ADSS1: variants seen among roughly 807,000 people sequenced by gnomAD.
ADSS1 encodes adenylosuccinate synthase 1.
In ADSS1, 57 loss-of-function variants were observed where a neutral mutation model predicts 59.1. The ratio of observed to expected loss-of-function variants is 0.97; its 90% CI spans 0.78 to 1.20. The LOEUF is 1.20. Ranked by LOEUF, ADSS1 falls within the 50% of genes most tolerant of loss-of-function variation. The pLI, the probability that ADSS1 is intolerant of heterozygous loss-of-function variation, is 0.00. For synonymous variants in ADSS1, 247 were observed against 249.4 expected (o/e 0.99, Z 0.09); for missense variants, 603 against 610.3 (o/e 0.99, Z 0.13).
chr14:104,727,710 C>T (rs997099653), intron 1 of ADSS1, among the ~76,000 whole-genome samples: 3 of 152,206 alleles, frequency 2.0e-5, no homozygotes, highest in Admixed American at 6.5e-5. Flanking sequence ...GCAGGTGCAC[C>T]TGGGTCTCCC....
chr14:104,725,149 A>T (rs1890683171), intron 1 of ADSS1, among the ~76,000 whole-genome samples: 1 of 152,062 alleles, frequency 6.6e-6, no homozygotes, highest in South Asian at 2.1e-4. Flanking sequence ...AGGAGGCCAG[A>T]CCTGCTTTGT....
At chr14:104,729,850 A>G in intron 1 of ADSS1, 1 of 1,207,006 alleles carries the variant, frequency 8.3e-7, no homozygotes, top group Non-Finnish European at 1.1e-6. Context: ...CGTCGTGGGG[A>G]GGAGCGTGGC....
intron 1 of ADSS1, among the ~76,000 whole-genome samples, chr14:104,729,423 G>A (rs1890816843): frequency 6.6e-6 from 1 of 152,156 alleles, no homozygotes; most frequent in East Asian, 1.9e-4. Context: ...TGGAGGTGAG[G>A]AGCAAGGACA....
Position 104,741,854 on chromosome 14 carries a change from A to ACC in ADSS1, c.803_804dup (p.Phe269ProfsTer3). On this transcript the variant is annotated frameshift_variant, in exon 9 of 13. Transcript: ENST00000330877. LOFTEE classifies it high-confidence loss of function. ...AACCTGCTCTGTCTTGCAGGGACCT[A>ACC]CCCCTTTGTGACTTCATCCAACTGC... 1 of 1,613,062 alleles carries ACC rather than the reference A, an allele frequency of 6.2e-7. No homozygotes were observed. The highest frequency in any genetic ancestry group is 1.3e-5 in the African/African-American group (1 of 75,006).
At chr14:104,736,096 A>G (rs1891111842) in intron 2 of ADSS1, among the ~76,000 whole-genome samples, 1 of 152,186 alleles carries the variant, frequency 6.6e-6, no homozygotes, top group African/African-American at 2.4e-5. Context: ...CGCAGGGGCC[A>G]TGTGTGGTCA....
chr14:104,730,964 G>C lies in ADSS1; in HGVS notation c.193-4056G>C, dbSNP rs376304699. ...AGCCAGACTAGGCAGAGAGTGGGGGGGGGGGGGGGGCTCAGTGTCCGTGGG... is the reference window on the plus strand; with the variant it reads ...AGCCAGACTAGGCAGAGAGTGGGGGCGGGGGGGGGGCTCAGTGTCCGTGGG... On this transcript the variant is annotated intron_variant, in intron 1 of 12. Coordinates refer to ENST00000330877, the MANE Select transcript of ADSS1 (RefSeq NM_152328.5). Among the ~76,000 whole-genome samples, 294 of 115,638 alleles carry C rather than the reference G, an allele frequency of 2.5e-3. 17 individuals are homozygous for C. Among genetic ancestry groups the C allele is most frequent in the Non-Finnish European group, 4.1e-3 (208 of 50,590 alleles). The allele number at this position is 115,638 out of a possible 152,430, so 75.9% of individuals were successfully genotyped here.
intron 4 of ADSS1, 138 bp from the exon 5 acceptor site, chr14:104,739,611 AC>A: frequency 9.8e-7 from 1 of 1,025,492 alleles, no homozygotes; most frequent in Non-Finnish European, 1.4e-6. Flanking sequence ...TCATGGTCAC[AC>A]CCCAGTTTGT....
At chr14:104,742,750 T>C (rs768121970) in intron 9 of ADSS1, among the ~76,000 whole-genome samples, 3 of 151,940 alleles carry the variant, frequency 2.0e-5, no homozygotes, top group Non-Finnish European at 4.4e-5. Flanking sequence ...CAGCTGCCCA[T>C]GGCAGGAGGG....
chr14:104,726,034 C>T (rs773468698), intron 1 of ADSS1, among the ~76,000 whole-genome samples: 62 of 152,208 alleles, frequency 4.1e-4, no homozygotes, highest in Non-Finnish European at 7.9e-4. Context: ...CACGGGAGCA[C>T]GGAGGATGCA....
chr14:104,746,570 G>A (rs1185421026), intron 12 of ADSS1, among the ~76,000 whole-genome samples, 185 bp downstream of exon 12: 2 of 152,232 alleles, frequency 1.3e-5, no homozygotes, highest in Non-Finnish European at 2.9e-5. Context: ...GGGTGTGGGT[G>A]TGACCTTGCC....
In ADSS1 at chr14:104,745,053, A is replaced by G. The variant is rs767062533; in HGVS notation, c.1171+144A>G. The G allele has an allele frequency of 5.7e-6, 4 of 702,874 alleles. No homozygotes were observed. In the Admixed American group the frequency reaches 7.4e-5, roughly 13 times the overall value. 43.5% of individuals were successfully genotyped at this position (702,874 alleles called of 1,614,324 possible). A position where few individuals can be genotyped will look rare whatever the true frequency, so the allele number is the denominator to read the frequency against. ...AGCTTGTCTCCAGTGACCAGCCTCCATCATGGCTTTTGCCTCTCACGGGTT... is the reference window on the plus strand; with the variant it reads ...AGCTTGTCTCCAGTGACCAGCCTCCGTCATGGCTTTTGCCTCTCACGGGTT... On this transcript the variant is annotated intron_variant, in intron 11 of 12. Coordinates refer to ENST00000330877, the MANE Select transcript of ADSS1 (RefSeq NM_152328.5).
At chr14:104,743,310 A>G (rs2140823587) in intron 10 of ADSS1, 119 bp downstream of exon 10, 1 of 1,432,292 alleles carries the variant, frequency 7.0e-7, no homozygotes, top group South Asian at 1.3e-5. Context: ...CAAGGTTTCC[A>G]CTGATCTCGA....
rs954175968 is a variant in ADSS1 at position 104,742,959 on chromosome 14, C to A, written c.949-108C>A. The A allele has an allele frequency of 2.0e-6, 3 of 1,526,096 alleles. No homozygotes were observed. In the Admixed American group the frequency reaches 5.2e-5, roughly 26 times the overall value. The allele number at this position is 1,526,096 out of a possible 1,614,324, so 94.5% of individuals were successfully genotyped here. ...AAGGACTGTCGGTGGAGGCGGGGCA[C>A]CCTCAGGGATTCTGAGAGCTGTGTG... On this transcript the variant is annotated intron_variant, in intron 9 of 12. Coordinates refer to ENST00000330877, the MANE Select transcript of ADSS1 (RefSeq NM_152328.5).
At chr14:104,724,550 G>C in intron 1 of ADSS1, 88 bp downstream of exon 1, 1 of 1,216,722 alleles carries the variant, frequency 8.2e-7, no homozygotes, top group Non-Finnish European at 1.0e-6. Context: ...CCATGCCCTG[G>C]CCGGTCACTC....
In ADSS1 at chr14:104,745,225, A is replaced by C. The variant is rs1374714745; in HGVS notation, c.1171+316A>C. 1.9e-5 allele frequency: 6 copies of C among 320,032 alleles called. No homozygotes were observed. In the East Asian group the frequency reaches 3.7e-4, roughly 20 times the overall value. The allele number at this position is 320,032 out of a possible 1,614,324, so 19.8% of individuals were successfully genotyped here. On this transcript the variant is annotated intron_variant, in intron 11 of 12. Transcript: ENST00000330877. ...TGCCTTGAGGAAAAGGCCCACCTGC[A>C]GGGAGCCACGGGAGGCACACAGGAG...
In ADSS1 at chr14:104,734,422, G is replaced by C. The variant is rs150067389; in HGVS notation, c.193-598G>C. 2.2e-3 allele frequency among the ~76,000 whole-genome samples: 338 copies of C among 152,318 alleles called. 3 individuals carry two copies. The South Asian group carries it at 0.028, about 13-fold the overall frequency. Reference sequence around the variant, plus strand: ...TGGCATCCAGGGCGTGGCACAGTTTGCTTGTATCATGTGGCTGTCTCATGG... The same window carrying C: ...TGGCATCCAGGGCGTGGCACAGTTTCCTTGTATCATGTGGCTGTCTCATGG... On this transcript the variant is annotated intron_variant, in intron 1 of 12. Transcript: ENST00000330877.
At chr14:104,729,998 C>T (rs1327190256) in intron 1 of ADSS1, 4 of 1,595,896 alleles carry the variant, frequency 2.5e-6, no homozygotes, top group South Asian at 1.1e-5. Flanking sequence ...CAGCACAGCC[C>T]TCCCCTGGCT....
chr14:104,727,370 C>T (rs1044693118), intron 1 of ADSS1, among the ~76,000 whole-genome samples: 1 of 152,010 alleles, frequency 6.6e-6, no homozygotes, highest in Non-Finnish European at 1.5e-5. Context: ...TCCAGGGCGG[C>T]TCTGGGTCTG....
chr14:104,732,737 G>A (rs1753841929), intron 1 of ADSS1, among the ~76,000 whole-genome samples: 1 of 152,068 alleles, frequency 6.6e-6, no homozygotes, highest in African/African-American at 2.4e-5. Context: ...GCGGGGCTGT[G>A]TACAAGGGAT....
Sources: gnomAD v4.1 joint callset for allele counts (sites outside exome capture counted in the v4.1 genomes callset) on GRCh38, gnomAD v4.1.1 for gene constraint, MANE v1.5 for transcripts, NCBI Gene and HGNC (gene_info 2026-07-23, HGNC 2026-07-21) for gene names.